AGBL4: variants seen among roughly 807,000 people sequenced by gnomAD.
AGBL4 encodes the protein AGBL carboxypeptidase 4, also known as cytosolic carboxypeptidase 6.
Under a neutral mutation model 66.4 loss-of-function variants are expected in AGBL4, and 58 were observed. That is an observed-to-expected ratio of 0.87 (90% CI 0.71 to 1.09). AGBL4 has a LOEUF of 1.09. Ranked by LOEUF, AGBL4 falls within the 50% of genes least tolerant of loss-of-function variation. The probability of loss-of-function intolerance (pLI) is 0.00; values close to 1 mark genes in which losing one functional copy is unlikely to be tolerated. For missense variants in AGBL4, 579 were observed against 631.0 expected (o/e 0.92, Z 0.88); for synonymous variants, 234 against 222.9 (o/e 1.05, Z -0.44).
At chr1:48,605,783 C>G (rs970936365) in intron 9 of AGBL4, among the ~76,000 whole-genome samples, 5 of 152,222 alleles carry the variant, frequency 3.3e-5, no homozygotes, top group African/African-American at 1.2e-4. Flanking sequence ...CATCCTTTAT[C>G]TTCTCTGAGA....
At chr1:49,416,894 A>G (rs1372206500) in intron 3 of AGBL4, among the ~76,000 whole-genome samples, 1 of 152,154 alleles carries the variant, frequency 6.6e-6, no homozygotes, top group African/African-American at 2.4e-5. Context: ...ATACAAGAAA[A>G]ACATGAATAC....
At chr1:49,358,873 GAAAAAATCAA>G (rs1644075497) in intron 3 of AGBL4, among the ~76,000 whole-genome samples, 2 of 152,126 alleles carry the variant, frequency 1.3e-5, no homozygotes, top group African/African-American at 4.8e-5. Flanking sequence ...ATTGATAATT[GAAAAAATCAA>G]GTTTCAAAGC....
chr1:48,645,503 G>A (rs1292538364), intron 8 of AGBL4, among the ~76,000 whole-genome samples: 2 of 152,190 alleles, frequency 1.3e-5, no homozygotes, highest in Non-Finnish European at 2.9e-5. Flanking sequence ...CTCAATGTCA[G>A]ACAGAAATAT....
chr1:48,788,617 T>C (rs1645464627), intron 6 of AGBL4, among the ~76,000 whole-genome samples: 1 of 152,264 alleles, frequency 6.6e-6, no homozygotes, highest in African/African-American at 2.4e-5. Context: ...AACTATGTTA[T>C]GCCTTTCTGT....
chr1:49,970,521 C>T (rs546295264), intron 1 of AGBL4, among the ~76,000 whole-genome samples: 1 of 151,992 alleles, frequency 6.6e-6, no homozygotes, highest in South Asian at 2.1e-4. Context: ...CATGGTGAAA[C>T]CCCATCTCTA....
At chr1:48,874,701 C>T (rs915156106) in intron 5 of AGBL4, among the ~76,000 whole-genome samples, 8 of 152,106 alleles carry the variant, frequency 5.3e-5, no homozygotes, top group Non-Finnish European at 1.0e-4. Flanking sequence ...TTATGTCAGT[C>T]AGTGTGATAT....
intron 6 of AGBL4, among the ~76,000 whole-genome samples, chr1:48,773,777 T>C (rs2148701799): frequency 6.6e-6 from 1 of 152,280 alleles, no homozygotes; most frequent in African/African-American, 2.4e-5. Context: ...TGTAGGCAAG[T>C]CTCTGAGCTT....
chr1:49,542,896 C>CAAAAAAA (rs35734647), intron 3 of AGBL4, among the ~76,000 whole-genome samples: 9 of 22,892 alleles, frequency 3.9e-4, no homozygotes, highest in African/African-American at 8.2e-4. Flanking sequence ...AAGACTCCAT[C>CAAAAAAA]AAAAAAAAAA....
intron 5 of AGBL4, among the ~76,000 whole-genome samples, chr1:48,900,247 A>G (rs1004599787): frequency 6.6e-6 from 1 of 152,250 alleles, no homozygotes; most frequent in Non-Finnish European, 1.5e-5. Flanking sequence ...CTTCTAGGCC[A>G]GGGAATATAA....
At chr1:49,294,195 T>C (rs1228556041) in intron 3 of AGBL4, among the ~76,000 whole-genome samples, 1 of 152,200 alleles carries the variant, frequency 6.6e-6, no homozygotes, top group East Asian at 1.9e-4. Context: ...ATAAAATTGA[T>C]ATTAATGGTA....
rs372675526 is a variant in AGBL4 at position 49,256,463 on chromosome 1, A to G, written c.283-10599T>C. Among the ~76,000 whole-genome samples, 50 of 152,322 alleles carry G rather than the reference A, an allele frequency of 3.3e-4. 1 individual carries two copies. In the South Asian group the frequency reaches 9.5e-3, roughly 29 times the overall value. ...TGATAGTATCAAATATCAGATACCT[A>G]TAAATAAATGTAATCAAAAGTGCAA... On this transcript the variant is annotated intron_variant, in intron 3 of 13. Coordinates refer to ENST00000371839, the MANE Select transcript of AGBL4 (RefSeq NM_032785.4).
At chr1:49,308,630 ATAATAGGACACTATTTTTCTTCTTC>A (rs1393646565) in intron 3 of AGBL4, among the ~76,000 whole-genome samples, 1 of 152,174 alleles carries the variant, frequency 6.6e-6, no homozygotes, top group Non-Finnish European at 1.5e-5. Flanking sequence ...CAAAGGACTG[ATAATAGGACACTATTTTTCTTCTTC>A]TAACATTTAT....
intron 1 of AGBL4, among the ~76,000 whole-genome samples, chr1:49,876,019 G>A (rs1010423671): frequency 6.9e-4 from 101 of 145,738 alleles, no homozygotes; most frequent in African/African-American, 2.4e-3. Context: ...TTTTTTCCTT[G>A]TAAATTTGTT....
chr1:49,169,189 T>C (rs1006125207), intron 4 of AGBL4, among the ~76,000 whole-genome samples: 5 of 152,136 alleles, frequency 3.3e-5, no homozygotes, highest in Admixed American at 1.3e-4. Flanking sequence ...GAAAGTATAA[T>C]ACTAAAGCAG....
At chr1:48,529,658 A>C (rs925919199), downstream of AGBL4, among the ~76,000 whole-genome samples, 3 of 152,106 alleles carry the variant, frequency 2.0e-5, no homozygotes, top group Non-Finnish European at 4.4e-5. Context: ...AGAAGGCAGG[A>C]ACTTAGAGGA....
At position 49,236,723 on chromosome 1, in the gene AGBL4, T is replaced by C. The variant is rs573710759; in HGVS notation, c.377+9047A>G. On this transcript the variant is annotated intron_variant, in intron 4 of 13. Coordinates refer to ENST00000371839, the MANE Select transcript of AGBL4 (RefSeq NM_032785.4). ...ATGTGTGTATAGTTCTATGTCATCTTGTCACCTGTAACCACCACCACAATC... is the reference window on the plus strand; with the variant it reads ...ATGTGTGTATAGTTCTATGTCATCTCGTCACCTGTAACCACCACCACAATC... Among the ~76,000 whole-genome samples the C allele has an allele frequency of 3.9e-5, 6 of 152,250 alleles. No individual in the cohort carries two copies. The South Asian group carries it at 1.2e-3, about 32-fold the overall frequency.
chr1:49,758,402 C>T (rs1225861128), intron 2 of AGBL4, among the ~76,000 whole-genome samples: 1 of 151,922 alleles, frequency 6.6e-6, no homozygotes, highest in Non-Finnish European at 1.5e-5. Flanking sequence ...GGCCACCATC[C>T]TCTAGACCCC....
intron 6 of AGBL4, among the ~76,000 whole-genome samples, chr1:48,864,255 A>G (rs764309668): frequency 4.6e-5 from 7 of 152,202 alleles, no homozygotes; most frequent in Non-Finnish European, 7.4e-5. Flanking sequence ...CATGTTCATC[A>G]TGACAACTGG....
intron 10 of AGBL4, among the ~76,000 whole-genome samples, chr1:48,588,843 A>AAGAGT (rs1644868860): frequency 1.3e-5 from 2 of 151,418 alleles, no homozygotes; most frequent in Admixed American, 1.3e-4. Context: ...AAGAGAAGAG[A>AAGAGT]AGAGAAGAGA....
Sources: gnomAD v4.1 joint callset for allele counts (sites outside exome capture counted in the v4.1 genomes callset) on GRCh38, gnomAD v4.1.1 for gene constraint, MANE v1.5 for transcripts, NCBI Gene and HGNC (gene_info 2026-07-23, HGNC 2026-07-21) for gene names.